SLC12A8: variants seen among roughly 807,000 people sequenced by gnomAD.
SLC12A8 encodes the protein cation-chloride cotransporter 9.
SLC12A8 carries 69 observed loss-of-function variants against 75.6 expected under a neutral mutation model. The ratio of observed to expected loss-of-function variants is 0.91; its 90% CI spans 0.75 to 1.11. The LOEUF is 1.11. SLC12A8 is among the 50% of genes most tolerant of loss of function. SLC12A8 has a pLI of 0.00. For missense variants in SLC12A8, 877 were observed against 896.7 expected (o/e 0.98, Z 0.28); for synonymous variants, 365 against 372.8 (o/e 0.98, Z 0.24).
At chr3:125,123,273 G>C (rs961237286) in intron 6 of SLC12A8, among the ~76,000 whole-genome samples, 1 of 151,814 alleles carries the variant, frequency 6.6e-6, no homozygotes, top group African/African-American at 2.4e-5. Context: ...TACTTGGGAG[G>C]CTGTGGTGGG....
At chr3:125,112,856 A>T (rs1193650620) in intron 8 of SLC12A8, among the ~76,000 whole-genome samples, 5 of 152,120 alleles carry the variant, frequency 3.3e-5, no homozygotes, top group Non-Finnish European at 1.5e-5. Context: ...TGAGACACAG[A>T]CGTGGTTGAG....
At chr3:125,147,188 T>C (rs930210106) in intron 5 of SLC12A8, among the ~76,000 whole-genome samples, 10 of 152,210 alleles carry the variant, frequency 6.6e-5, no homozygotes, top group African/African-American at 2.2e-4. Flanking sequence ...CATGTTCTCA[T>C]TTTCAAAACT....
At chr3:125,100,042 T>A (rs1938827538) in intron 10 of SLC12A8, among the ~76,000 whole-genome samples, 1 of 152,130 alleles carries the variant, frequency 6.6e-6, no homozygotes, top group Non-Finnish European at 1.5e-5. Flanking sequence ...AACAGAAGAT[T>A]TCAGATGACA....
intron 5 of SLC12A8, among the ~76,000 whole-genome samples, chr3:125,175,722 T>C (rs1934511530): frequency 6.7e-6 from 1 of 149,922 alleles, no homozygotes. Context: ...TCCCTCCATA[T>C]GCGGGCCATC....
intron 2 of SLC12A8, among the ~76,000 whole-genome samples, chr3:125,204,364 G>A (rs1935186032): frequency 6.6e-6 from 1 of 152,164 alleles, no homozygotes; most frequent in Non-Finnish European, 1.5e-5. Flanking sequence ...TAAAGAAAAT[G>A]TGGTAAATGT....
intron 4 of SLC12A8, among the ~76,000 whole-genome samples, chr3:125,181,249 A>G (rs2107790383): frequency 6.6e-6 from 1 of 152,376 alleles, no homozygotes; most frequent in Admixed American, 6.5e-5. Flanking sequence ...CTCAAGAGGC[A>G]TAACTAAACT....
chr3:125,107,491 G>A lies in SLC12A8; in HGVS notation c.1695C>T (p.Ser565=), dbSNP rs1939058185. 1.2e-6 allele frequency: 2 copies of A among 1,606,794 alleles called. No individual in the cohort carries two copies. The highest frequency in any genetic ancestry group is 8.5e-7 in the Non-Finnish European group (1 of 1,174,070). Residue 565 remains serine, a synonymous_variant, in exon 10 of 14, where the codon TCC becomes TCT. Transcript: ENST00000469902. ...TACCAGAGCACTCACCTTCTCCACT[G>A]GACTCTGATTGGTTGCACAGCTCAG... is the stretch of plus-strand genomic sequence containing the variant. ...LVPELCNQSE[S]SGEDFFLKSR... is the part of the protein sequence containing the mutation.
intron 5 of SLC12A8, among the ~76,000 whole-genome samples, chr3:125,139,906 C>T (rs138891342): frequency 6.6e-6 from 1 of 152,168 alleles, no homozygotes; most frequent in African/African-American, 2.4e-5. Context: ...ATTTTGCATA[C>T]CATTTTGGGG....
chr3:125,118,149 G>A (rs183752386), intron 8 of SLC12A8, among the ~76,000 whole-genome samples: 1 of 152,374 alleles, frequency 6.6e-6, no homozygotes, highest in East Asian at 1.9e-4. Flanking sequence ...TTTGGGGTGA[G>A]CAGATTCTTC....
At chr3:125,120,916 G>A in intron 6 of SLC12A8, 1 of 689,846 alleles carries the variant, frequency 1.4e-6, no homozygotes, top group Non-Finnish European at 2.6e-6. Context: ...CAGGAGGAAA[G>A]CCCTCCCAGC....
chr3:125,176,597 G>C (rs374628728), intron 5 of SLC12A8, among the ~76,000 whole-genome samples: 2 of 152,024 alleles, frequency 1.3e-5, no homozygotes, highest in African/African-American at 4.8e-5. Flanking sequence ...CTAATATCCA[G>C]AATCTACAAT....
At chr3:125,102,282 A>C (rs1189109541) in intron 10 of SLC12A8, among the ~76,000 whole-genome samples, 3 of 152,174 alleles carry the variant, frequency 2.0e-5, no homozygotes, top group Admixed American at 2.0e-4. Context: ...GTATGAAGGC[A>C]GGAAGGAATA....
chr3:125,114,559 G>A (rs1222112500), intron 8 of SLC12A8, among the ~76,000 whole-genome samples: 1 of 152,144 alleles, frequency 6.6e-6, no homozygotes, highest in Non-Finnish European at 1.5e-5. Flanking sequence ...CGAGTAGCTG[G>A]AACTACAGGC....
intron 5 of SLC12A8, among the ~76,000 whole-genome samples, chr3:125,137,021 C>T (rs1261682565): frequency 1.3e-5 from 2 of 152,134 alleles, no homozygotes; most frequent in Non-Finnish European, 2.9e-5. Flanking sequence ...CCTGTAGTCC[C>T]GTAGGATGGG....
chr3:125,107,260 C>T (rs1187837514), intron 10 of SLC12A8, among the ~76,000 whole-genome samples: 1 of 152,146 alleles, frequency 6.6e-6, no homozygotes, highest in Non-Finnish European at 1.5e-5. Context: ...GTCTAACATA[C>T]AGGAGTAGAT....
chr3:125,162,945 G>A (rs1297290421), intron 5 of SLC12A8, among the ~76,000 whole-genome samples: 2 of 152,134 alleles, frequency 1.3e-5, no homozygotes, highest in East Asian at 3.9e-4. Context: ...AAAAGAGTCA[G>A]AGTCAGAAAG....
chr3:125,211,537 C>A, intron 1 of SLC12A8, 143 bp from the exon 2 acceptor site: 1 of 631,792 alleles, frequency 1.6e-6, no homozygotes, highest in Non-Finnish European at 2.9e-6. Flanking sequence ...CATCTGGAAA[C>A]TTGGCCGGGT....
At chr3:125,135,843 T>G in intron 5 of SLC12A8, 61 bp from the exon 6 acceptor site, 1 of 925,192 alleles carries the variant, frequency 1.1e-6, no homozygotes, top group South Asian at 1.7e-5. Context: ...CACATTTCCC[T>G]AGATTATGGT....
chr3:125,181,979 G>T (rs1040812783), intron 4 of SLC12A8, among the ~76,000 whole-genome samples: 4 of 152,114 alleles, frequency 2.6e-5, no homozygotes, highest in African/African-American at 9.7e-5. Context: ...TTGAGTCCAG[G>T]AGTTCAAGAC....
Sources: allele counts gnomAD v4.1 joint callset (sites outside exome capture counted in the v4.1 genomes callset), GRCh38; gene constraint gnomAD v4.1.1; transcripts MANE v1.5; gene names NCBI Gene and HGNC (gene_info 2026-07-23, HGNC 2026-07-21).